BAIAP3: variants seen among roughly 807,000 people sequenced by gnomAD.
BAIAP3 encodes the protein BAI1 associated protein 3.
In BAIAP3, 180 loss-of-function variants were observed where a neutral mutation model predicts 149.7. The ratio of observed to expected loss-of-function variants is 1.20; its 90% CI spans 1.07 to 1.36. The LOEUF is 1.36. BAIAP3 is among the 40% of genes most tolerant of loss of function. The pLI is 0.00. For missense variants in BAIAP3, 1,767 were observed against 1,563.4 expected, an observed-to-expected ratio of 1.13 and a Z score of -2.20; for synonymous variants, 845 against 670.7, an observed-to-expected ratio of 1.26 and a Z score of -4.02.
chr16:1,345,319 G>C lies in BAIAP3; in HGVS notation c.2011G>C (p.Val671Leu). Residue 671 changes from valine (V) to leucine (L), a missense_variant, in exon 22 of 34, where the codon GTG becomes CTG. Physicochemically the swap from Val to Leu is conservative, Grantham distance 32. Transcript: ENST00000426824. ...FLPAVKLWFQ[V>L]LRDQAKWRLQ... is the part of the protein sequence containing the mutation. ...GCCTGCTGTGAAGCTCTGGTTCCAA[G>C]TGCTGAGGGACCAGGCCAAGTGGAG... 1.9e-6 allele frequency: 3 copies of C among 1,613,132 alleles called. No homozygotes were observed. Among genetic ancestry groups the C allele is most frequent in the Non-Finnish European group, 2.5e-6 (3 of 1,179,930 alleles).
At chr16:1,343,203 CA>C in intron 14 of BAIAP3, 187 bp downstream of exon 14, 2 of 1,097,280 alleles carry the variant, frequency 1.8e-6, no homozygotes, top group East Asian at 5.2e-5. Context: ...GTAGGTGAGG[CA>C]GCGAAAGGGG....
chr16:1,335,752 C>T (rs1046327394), intron 1 of BAIAP3, among the ~76,000 whole-genome samples: 1 of 152,176 alleles, frequency 6.6e-6, no homozygotes, highest in South Asian at 2.1e-4. Context: ...CCCATCCTAG[C>T]AACGGGCAGT....
intron 1 of BAIAP3, chr16:1,334,852 G>A (rs931542372): frequency 4.9e-6 from 6 of 1,212,486 alleles, no homozygotes; most frequent in Non-Finnish European, 7.1e-6. Context: ...CTGGAGAGAA[G>A]ACCAAGAGGG....
At position 1,342,220 on chromosome 16, in the gene BAIAP3, G is replaced by T; in HGVS notation, c.894G>T (p.Gly298=). Residue 298 remains glycine, a synonymous_variant, in exon 11 of 34, where the codon GGG becomes GGT. Transcript: ENST00000426824. ...KQIVKSARAN[G]TAGPTEDHTD... is the part of the protein sequence containing the mutation. Reference sequence around the variant, plus strand: ...TCGTCAAGTCAGCCCGCGCAAACGGGACAGCAGGACCCACCGAGGACCACA... The same window carrying T: ...TCGTCAAGTCAGCCCGCGCAAACGGTACAGCAGGACCCACCGAGGACCACA... 6.2e-7 allele frequency: 1 copy of T among 1,607,584 alleles called. No individual in the cohort carries two copies. The highest frequency in any genetic ancestry group is 8.5e-7 in the Non-Finnish European group (1 of 1,177,068).
In BAIAP3 at chr16:1,342,971, T is replaced by A; in HGVS notation, c.1220T>A (p.Leu407Gln). The change falls in exon 14 of 34, where the codon CTG (leucine) becomes CAG (glutamine). Residue 407 changes from leucine (L) to glutamine (Q), a missense_variant. Leu to Gln is a moderately radical substitution (Grantham distance 113). Transcript: ENST00000426824. ...LSTPAATILCLHGAQSNLSPL... is the reference protein window; with the variant it reads ...LSTPAATILCQHGAQSNLSPL... ...ACACCAGCCGCCACCATCCTCTGCC[T>A]GCACGGAGCCCAGAGCAACCTGTCA... 6.2e-7 allele frequency: 1 copy of A among 1,611,268 alleles called. No homozygotes were observed. Among genetic ancestry groups the A allele is most frequent in the Non-Finnish European group, 8.5e-7 (1 of 1,179,812 alleles).
intron 14 of BAIAP3, 144 bp downstream of exon 14, chr16:1,343,160 A>G (rs2141594028): frequency 1.8e-6 from 2 of 1,086,834 alleles, no homozygotes; most frequent in Non-Finnish European, 2.6e-6. Flanking sequence ...GGCTGCGCTG[A>G]TTGGGCGGGA....
In BAIAP3 at chr16:1,346,888, TGC is replaced by T. The variant is rs747906979; in HGVS notation, c.2685_2686del (p.Gln896GlyfsTer7). 31 of 1,609,984 alleles carry T rather than the reference TGC, an allele frequency of 1.9e-5. No individual in the cohort carries two copies. The highest frequency in any genetic ancestry group is 2.5e-5 in the Non-Finnish European group (29 of 1,179,234). ...TGGGAGCTACTCCTCCAGGCCATTC[TGC>T]AGGCGCTGGGTGCAAACCGTGACGT... On this transcript the variant is annotated frameshift_variant, in exon 28 of 34. Coordinates refer to ENST00000426824, the MANE Select transcript of BAIAP3 (RefSeq NM_001199097.2). LOFTEE classifies it high-confidence loss of function.
At chr16:1,346,982 C>T (rs184551886) in intron 28 of BAIAP3, 27 bp downstream of exon 28, 80 of 1,557,234 alleles carry the variant, frequency 5.1e-5, no homozygotes, top group East Asian at 3.0e-4. Flanking sequence ...GAGTCCTCCC[C>T]GCCGGCCCCC....
Position 1,341,411 on chromosome 16 carries a change from C to G in BAIAP3, c.653C>G (p.Pro218Arg). 6.2e-7 allele frequency: 1 copy of G among 1,612,662 alleles called. No individual in the cohort carries two copies. The change falls in exon 8 of 34, where the codon CCC becomes CGC. Residue 218 changes from proline to arginine, a missense_variant. Coordinates refer to ENST00000426824, the MANE Select transcript of BAIAP3 (RefSeq NM_001199097.2). Reference protein sequence around the residue: ...GFRKGSKRGGPLPAKCIQVTE... With the variant: ...GFRKGSKRGGRLPAKCIQVTE... Reference sequence around the variant, plus strand: ...CGCAAGGGCAGCAAGCGCGGTGGACCCCTGCCTGCCAAGTGCATCCAGGTC... The same window carrying G: ...CGCAAGGGCAGCAAGCGCGGTGGACGCCTGCCTGCCAAGTGCATCCAGGTC...
At chr16:1,339,783 CACACGCACACAGGCTGCAGGTGCACACAG>C (rs2033734636) in intron 5 of BAIAP3, among the ~76,000 whole-genome samples, 180 bp downstream of exon 5, 1 of 137,424 alleles carries the variant, frequency 7.3e-6, no homozygotes, top group Non-Finnish European at 1.6e-5. Flanking sequence ...TGCACACAGA[CACACGCACACAGGCTGCAGGTGCACACAG>C]ACACACACAC....
In BAIAP3 at chr16:1,346,151, C is replaced by T. The variant is rs1297424447; in HGVS notation, c.2302-19C>T. On this transcript the variant is annotated intron_variant, in intron 24 of 33. Transcript: ENST00000426824. Reference sequence around the variant, plus strand: ...CACCAGGCCCCGGACCCATCGTTGCCTGGCCACACCTCCTCCAGCTCTGCG... The same window carrying T: ...CACCAGGCCCCGGACCCATCGTTGCTTGGCCACACCTCCTCCAGCTCTGCG... The T allele has an allele frequency of 1.9e-6, 3 of 1,609,018 alleles. No homozygotes were observed. Among genetic ancestry groups the T allele is most frequent in the African/African-American group, 1.3e-5 (1 of 74,890 alleles).
In BAIAP3 at chr16:1,334,655, G is replaced by A. The variant is rs1243622707; in HGVS notation, c.-11+906G>A. On this transcript the variant is annotated intron_variant, in intron 1 of 33. Coordinates refer to ENST00000426824, the MANE Select transcript of BAIAP3 (RefSeq NM_001199097.2). ...GTTAGAATGCAGATTCCCGGGGTTCGACTGGAATGAGACCCCGGGGAGCAG... is the reference window on the plus strand; with the variant it reads ...GTTAGAATGCAGATTCCCGGGGTTCAACTGGAATGAGACCCCGGGGAGCAG... The A allele has an allele frequency of 1.9e-6, 3 of 1,548,264 alleles. No homozygotes were observed. In the South Asian group the frequency reaches 3.6e-5, roughly 18 times the overall value.
chr16:1,349,320 G>C lies in BAIAP3; in HGVS notation c.*838G>C. The C allele has an allele frequency of 1.1e-5, 13 of 1,165,418 alleles. No individual in the cohort carries two copies. The highest frequency in any genetic ancestry group is 1.7e-5 in the Non-Finnish European group (13 of 776,512). 72.2% of individuals were successfully genotyped at this position (1,165,418 alleles called of 1,614,324 possible). ...TGTGCTGGAAGTGTGGGGAGAACCC[G>C]GACAGCTCAGTCCTGCCAGCAGCCG... On this transcript the variant is annotated 3_prime_UTR_variant, in exon 34 of 34. Transcript: ENST00000426824.
At chr16:1,342,497 T>A (rs1284280753) in intron 11 of BAIAP3, 30 bp from the exon 12 acceptor site, 1 of 1,536,848 alleles carries the variant, frequency 6.5e-7, no homozygotes, top group Admixed American at 2.0e-5. Context: ...GGGAGGAGTC[T>A]GGTGGGCCTG....
rs1567162153 is a variant in BAIAP3 at position 1,340,987 on chromosome 16, GC to G, written c.468+8del. ...AGCGAGTGAGGAAGGCCAAGGTGAG[GC>G]CGCCACTGCCTGGGCAGGCACTGAC... is the stretch of plus-strand genomic sequence containing the variant. On this transcript the variant is annotated splice_region_variant and intron_variant, in intron 6 of 33. Transcript: ENST00000426824. The G allele has an allele frequency of 1.9e-6, 3 of 1,599,858 alleles. No homozygotes were observed. The highest frequency in any genetic ancestry group is 1.1e-5 in the South Asian group (1 of 89,544).
intron 5 of BAIAP3, among the ~76,000 whole-genome samples, chr16:1,340,612 A>G (rs941529408): frequency 3.3e-5 from 5 of 151,362 alleles, no homozygotes; most frequent in African/African-American, 4.8e-5. Context: ...ATACATGCAC[A>G]TAGGCTGACA....
At position 1,341,348 on chromosome 16, in the gene BAIAP3, G is replaced by C. The variant is rs145056617; in HGVS notation, c.590G>C (p.Arg197Pro). The C allele has an allele frequency of 1.2e-6, 2 of 1,612,086 alleles. No individual in the cohort carries two copies. The highest frequency in any genetic ancestry group is 2.7e-5 in the African/African-American group (2 of 75,066). ...LGILPASDAT[R>P]EPRAQKEQRF... ...ATCCTGCCTGCCTCGGACGCCACGC[G>C]GGAGCCCCGTGCACAGAAGGAGCAG... The change falls in exon 8 of 34, where the codon CGG (arginine) becomes CCG (proline). Residue 197 changes from arginine to proline, a missense_variant. Coordinates refer to ENST00000426824, the MANE Select transcript of BAIAP3 (RefSeq NM_001199097.2).
At position 1,342,942 on chromosome 16, in the gene BAIAP3, C is replaced by G. The variant is rs773223279; in HGVS notation, c.1191C>G (p.Leu397=). The G allele has an allele frequency of 6.8e-6, 11 of 1,612,054 alleles. No homozygotes were observed. In the East Asian group the frequency reaches 2.0e-4, roughly 29 times the overall value. ...EPNSSSWRGE[L]STPAATILCL... ...ACTCCAGCAGCTGGCGAGGAGAGCT[C>G]AGCACACCAGCCGCCACCATCCTCT... The change falls in exon 14 of 34, where the codon CTC becomes CTG. Residue 397 remains leucine (L), a synonymous_variant. Transcript: ENST00000426824.
chr16:1,336,852 C>T (rs751840459), intron 1 of BAIAP3, among the ~76,000 whole-genome samples: 4 of 152,168 alleles, frequency 2.6e-5, no homozygotes, highest in African/African-American at 4.8e-5. Context: ...GTGCCCAGCC[C>T]GGAGGCACCC....
Sources: allele counts gnomAD v4.1 joint callset (sites outside exome capture counted in the v4.1 genomes callset), GRCh38; gene constraint gnomAD v4.1.1; transcripts MANE v1.5; gene names NCBI Gene and HGNC (gene_info 2026-07-23, HGNC 2026-07-21).